Variants in NKAIN2 observed in about 807,000 individuals in gnomAD.
The protein encoded by NKAIN2 is sodium/potassium transporting ATPase interacting 2, also known as sodium/potassium-transporting ATPase subunit beta-1-interacting protein 2.
In NKAIN2, 14 loss-of-function variants were observed where a neutral mutation model predicts 32.6. The ratio of observed to expected loss-of-function variants is 0.43; its 90% confidence interval spans 0.28 to 0.67. NKAIN2 has a LOEUF of 0.67. Ranked by LOEUF, NKAIN2 falls within the 30% of genes least tolerant of loss-of-function variation. The pLI, the probability that NKAIN2 is intolerant of heterozygous loss-of-function variation, is 0.17. For missense variants in NKAIN2, 198 were observed against 258.3 expected, an observed-to-expected ratio of 0.77 and a Z score of 1.60; for synonymous variants, 80 against 87.2, an observed-to-expected ratio of 0.92 and a Z score of 0.46.
intron 2 of NKAIN2, among the ~76,000 whole-genome samples, chr6:124,320,968 C>G (rs1378090897): frequency 6.6e-6 from 1 of 152,112 alleles, no homozygotes; most frequent in African/African-American, 2.4e-5. Flanking sequence ...TGTCTCCCTG[C>G]CTCTCCTGGA....
chr6:124,251,483 A>C (rs1793689244), intron 1 of NKAIN2, among the ~76,000 whole-genome samples: 1 of 152,048 alleles, frequency 6.6e-6, no homozygotes, highest in Non-Finnish European at 1.5e-5. Context: ...AATATGTAAA[A>C]AACTTATATA....
chr6:124,736,201 A>T (rs1328363331), intron 4 of NKAIN2, among the ~76,000 whole-genome samples: 1 of 151,972 alleles, frequency 6.6e-6, no homozygotes, highest in Non-Finnish European at 1.5e-5. Flanking sequence ...CAGCCACAAA[A>T]TTCCCCAAAG....
chr6:124,108,892 T>A (rs1210097552), intron 1 of NKAIN2, among the ~76,000 whole-genome samples: 1 of 152,002 alleles, frequency 6.6e-6, no homozygotes, highest in Non-Finnish European at 1.5e-5. Flanking sequence ...GTAATATTGG[T>A]TTATATGTCT....
Position 124,491,128 on chromosome 6 carries a change from A to C in NKAIN2, c.273+135781A>C, listed in dbSNP as rs564185919. Reference sequence around the variant, plus strand: ...AGAGAATTACACACCTGCATTCTATATGCCAAGCACTTGCTAAGTGCTAGC... The same window carrying C: ...AGAGAATTACACACCTGCATTCTATCTGCCAAGCACTTGCTAAGTGCTAGC... On this transcript the variant is annotated intron_variant, in intron 3 of 6. Transcript: ENST00000368417. Among the ~76,000 whole-genome samples, 4 of 152,106 alleles carry C rather than the reference A, an allele frequency of 2.6e-5. No individual in the cohort carries two copies. In the East Asian group the frequency reaches 7.7e-4, roughly 29 times the overall value.
intron 1 of NKAIN2, among the ~76,000 whole-genome samples, chr6:123,927,146 A>G (rs1776040285): frequency 6.6e-6 from 1 of 152,162 alleles, no homozygotes; most frequent in East Asian, 1.9e-4. Context: ...CATGGAGAAG[A>G]TGACAGTGGG....
intron 1 of NKAIN2, among the ~76,000 whole-genome samples, chr6:124,217,830 G>T (rs1185768867): frequency 1.3e-5 from 2 of 151,868 alleles, no homozygotes; most frequent in Non-Finnish European, 2.9e-5. Flanking sequence ...TATATATAGA[G>T]AGAGATATAG....
chr6:124,772,769 C>G (rs990774743), intron 4 of NKAIN2, among the ~76,000 whole-genome samples: 6 of 152,090 alleles, frequency 3.9e-5, no homozygotes, highest in Admixed American at 3.9e-4. Context: ...ATCACAATTA[C>G]TTAAAGTTCT....
At chr6:123,959,722 G>A (rs1203611281) in intron 1 of NKAIN2, among the ~76,000 whole-genome samples, 1 of 151,950 alleles carries the variant, frequency 6.6e-6, no homozygotes, top group Non-Finnish European at 1.5e-5. Flanking sequence ...AATGACTACA[G>A]TGGCTAGGGA....
At chr6:124,176,465 G>T (rs1466533582) in intron 1 of NKAIN2, among the ~76,000 whole-genome samples, 1 of 152,018 alleles carries the variant, frequency 6.6e-6, no homozygotes, top group Non-Finnish European at 1.5e-5. Context: ...TTTCCAAATT[G>T]CTTTCTCTTG....
At chr6:124,467,542 G>A (rs1297595849) in intron 3 of NKAIN2, among the ~76,000 whole-genome samples, 1 of 152,052 alleles carries the variant, frequency 6.6e-6, no homozygotes, top group Non-Finnish European at 1.5e-5. Context: ...GCTGTGTTCT[G>A]TTTATAAGTT....
intron 1 of NKAIN2, among the ~76,000 whole-genome samples, chr6:124,123,076 C>T (rs1785966960): frequency 6.7e-6 from 1 of 149,314 alleles, no homozygotes; most frequent in Non-Finnish European, 1.5e-5. Context: ...AATAAGGTTC[C>T]TTTTTTAGCT....
At chr6:124,466,955 A>G (rs1002179921) in intron 3 of NKAIN2, among the ~76,000 whole-genome samples, 9 of 152,138 alleles carry the variant, frequency 5.9e-5, no homozygotes, top group Admixed American at 6.6e-5. Flanking sequence ...AGGTGTGGAT[A>G]ATAATGCCCT....
chr6:124,027,724 A>C (rs75465298), intron 1 of NKAIN2, among the ~76,000 whole-genome samples: 1 of 98,736 alleles, frequency 1.0e-5, no homozygotes, highest in African/African-American at 4.4e-5. Flanking sequence ...TCCAAATTAA[A>C]TAGTTCTTTA....
chr6:124,706,581 G>C (rs1417986361), intron 4 of NKAIN2, among the ~76,000 whole-genome samples: 3 of 152,124 alleles, frequency 2.0e-5, no homozygotes, highest in Admixed American at 6.6e-5. Flanking sequence ...TGAATAAACT[G>C]AGAAGTTCCA....
chr6:124,253,351 C>T (rs1793771581), intron 1 of NKAIN2, among the ~76,000 whole-genome samples: 1 of 152,110 alleles, frequency 6.6e-6, no homozygotes, highest in Non-Finnish European at 1.5e-5. Flanking sequence ...TTCACCAACC[C>T]AACTTAAAGC....
At chr6:124,665,211 C>T (rs544240657) in intron 4 of NKAIN2, among the ~76,000 whole-genome samples, 1 of 152,066 alleles carries the variant, frequency 6.6e-6, no homozygotes, top group Non-Finnish European at 1.5e-5. Flanking sequence ...TCAAAACAAT[C>T]TTGTGAAAGA....
intron 3 of NKAIN2, among the ~76,000 whole-genome samples, chr6:124,511,164 T>C (rs1298065399): frequency 2.0e-5 from 3 of 152,220 alleles, no homozygotes; most frequent in Non-Finnish European, 4.4e-5. Flanking sequence ...AGTTGACTTA[T>C]AGGTTATTTC....
chr6:124,353,024 A>G (rs1426930597), intron 2 of NKAIN2, among the ~76,000 whole-genome samples: 3 of 152,228 alleles, frequency 2.0e-5, no homozygotes, highest in African/African-American at 7.2e-5. Flanking sequence ...CTCTTCACGT[A>G]GAGCTCTCAC....
intron 3 of NKAIN2, among the ~76,000 whole-genome samples, chr6:124,591,599 A>G (rs1168557551): frequency 1.3e-5 from 2 of 152,116 alleles, no homozygotes; most frequent in Non-Finnish European, 2.9e-5. Flanking sequence ...CTCTTCTGGT[A>G]TCAAAGCAAT....
Sources: gnomAD v4.1 joint callset for allele counts (sites outside exome capture counted in the v4.1 genomes callset) on GRCh38, gnomAD v4.1.1 for gene constraint, MANE v1.5 for transcripts, NCBI Gene and HGNC (gene_info 2026-07-23, HGNC 2026-07-21) for gene names.